SAFB2: variants seen among roughly 807,000 people sequenced by gnomAD.
SAFB2 encodes the protein scaffold attachment factor B2.
Under a neutral mutation model 100.6 loss-of-function variants are expected in SAFB2, and 32 were observed. The observed-to-expected ratio is 0.32, with a 90% CI of 0.24 to 0.43. The LOEUF (loss-of-function observed/expected upper bound fraction) is 0.43, where lower values mean the gene tolerates loss of function less well. SAFB2 is among the 20% of genes least tolerant of loss of function. SAFB2 has a pLI of 1.00. For synonymous variants in SAFB2, 500 were observed against 439.4 expected (o/e 1.14, Z -1.72); for missense variants, 1,185 against 1,163.4 (o/e 1.02, Z -0.27).
chr19:5,607,465 C>G (rs926330159), intron 9 of SAFB2, among the ~76,000 whole-genome samples: 1 of 152,158 alleles, frequency 6.6e-6, no homozygotes, highest in Admixed American at 6.6e-5. Flanking sequence ...CTGAAACCAA[C>G]AGAGCACCCC....
chr19:5,616,357 G>A (rs1472724876), intron 3 of SAFB2, 22 bp from the exon 4 acceptor site: 9 of 1,613,804 alleles, frequency 5.6e-6, no homozygotes, highest in East Asian at 2.2e-5. Flanking sequence ...AAGAAGAATC[G>A]TTAACGACCA....
rs537402771 is a variant in SAFB2 at position 5,614,511 on chromosome 19, G to C, written c.544-984C>G. 9.2e-5 allele frequency among the ~76,000 whole-genome samples: 14 copies of C among 152,318 alleles called. No homozygotes were observed. The East Asian group carries it at 2.1e-3, about 23-fold the overall frequency. ...ACACAGCAGTACCAGACTGAGAAAG[G>C]CGGCTAACCAGTTGCTCAGTGCTGC... is the stretch of plus-strand genomic sequence containing the variant. On this transcript the variant is annotated intron_variant, in intron 4 of 20. Transcript: ENST00000252542.
At chr19:5,606,045 A>G (rs1246580137) in intron 9 of SAFB2, among the ~76,000 whole-genome samples, 1 of 150,836 alleles carries the variant, frequency 6.6e-6, no homozygotes, top group Non-Finnish European at 1.5e-5. Flanking sequence ...GGGAACAATC[A>G]GGAGCAGAGG....
At chr19:5,621,755 T>A (rs1255383257) in intron 1 of SAFB2, among the ~76,000 whole-genome samples, 1 of 152,200 alleles carries the variant, frequency 6.6e-6, no homozygotes, top group East Asian at 1.9e-4. Flanking sequence ...GGTGAAGGGC[T>A]GGCCACCGCT....
intron 9 of SAFB2, among the ~76,000 whole-genome samples, chr19:5,605,856 C>T (rs924172063): frequency 7.9e-5 from 12 of 152,310 alleles, no homozygotes; most frequent in Admixed American, 2.0e-4. Context: ...ATGGGTAAGA[C>T]AGCACTGAGA....
At position 5,595,341 on chromosome 19, in the gene SAFB2, C is replaced by T; in HGVS notation, c.1919+20G>A. The T allele has an allele frequency of 6.2e-7, 1 of 1,604,774 alleles. No individual in the cohort carries two copies. Among genetic ancestry groups the T allele is most frequent in the Non-Finnish European group, 8.5e-7 (1 of 1,179,324 alleles). ...CCGAGAGGAAACCACCAGCCCACAGCCTCACCCAGCTCCACTCACCGCCGC... is the reference window on the plus strand; with the variant it reads ...CCGAGAGGAAACCACCAGCCCACAGTCTCACCCAGCTCCACTCACCGCCGC... On this transcript the variant is annotated intron_variant, in intron 14 of 20. Transcript: ENST00000252542.
intron 4 of SAFB2, among the ~76,000 whole-genome samples, chr19:5,615,773 T>G (rs1024372945): frequency 5.3e-5 from 8 of 152,096 alleles, no homozygotes; most frequent in African/African-American, 1.9e-4. Flanking sequence ...CACTGTGGCC[T>G]GTGCCAATAA....
At chr19:5,606,301 A>G (rs747866354) in intron 9 of SAFB2, among the ~76,000 whole-genome samples, 2 of 152,250 alleles carry the variant, frequency 1.3e-5, no homozygotes, top group African/African-American at 2.4e-5. Context: ...CTAGCACCCA[A>G]AAAATACAAT....
At chr19:5,592,100 C>A (rs918614688) in intron 16 of SAFB2, among the ~76,000 whole-genome samples, 1 of 152,126 alleles carries the variant, frequency 6.6e-6, no homozygotes, top group South Asian at 2.1e-4. Flanking sequence ...TGACCCAATG[C>A]GTGGGACTCA....
In SAFB2 at chr19:5,591,786, C is replaced by T. The variant is rs529098214; in HGVS notation, c.2356G>A (p.Gly786Ser). The change falls in exon 17 of 21, where the codon GGT becomes AGT. Residue 786 changes from glycine (G) to serine (S), a missense_variant. By Grantham distance (56) the Gly-to-Ser change is moderately conservative. Transcript: ENST00000252542. ...TGGTCTCCCATCATTGGCCTCGAAC[C>T]CTCCCGCCTGCAAAAGGAAAAGATC... ...YQDHAIDRRE[G>S]SRPMMGDHRD... 6.8e-5 allele frequency: 109 copies of T among 1,614,036 alleles called. No homozygotes were observed. The Middle Eastern group carries it at 2.5e-3, about 37-fold the overall frequency.
rs181275810 is a variant in SAFB2 at position 5,591,044 on chromosome 19, T to G, written c.2395-636A>C. On this transcript the variant is annotated intron_variant, in intron 17 of 20. Transcript: ENST00000252542. Reference sequence around the variant, plus strand: ...GCCCACCAAGCACGGACTTGAAACATGGGGAAGCCCGGGCTCCCCCATCCC... The same window carrying G: ...GCCCACCAAGCACGGACTTGAAACAGGGGGAAGCCCGGGCTCCCCCATCCC... Among the ~76,000 whole-genome samples, 5 of 152,082 alleles carry G rather than the reference T, an allele frequency of 3.3e-5. No individual in the cohort carries two copies. The East Asian group carries it at 9.7e-4, about 30-fold the overall frequency.
chr19:5,587,980 C>A lies in SAFB2; in HGVS notation c.2526G>T (p.Arg842Ser). ...TGTGCTCTCCCCAGTCACGGCCACCCCTTTGCCAAAAGAAAAAGACATGCA... is the reference window on the plus strand; with the variant it reads ...TGTGCTCTCCCCAGTCACGGCCACCACTTTGCCAAAAGAAAAAGACATGCA... ...SEGRGLPPPP[R>S]GGRDWGEHNQ... Residue 842 changes from arginine to serine, a missense_variant and splice_region_variant, in exon 19 of 21, where the codon AGG becomes AGT. This residue lies in a region of SAFB2 where 740 missense variants were observed against 687.1 expected (regional missense o/e 1.08). Transcript: ENST00000252542. This position sits in a 1 kb window ranked among gnomAD's most constrained non-coding sequence, Gnocchi z 4.9. 1 of 1,609,866 alleles carries A rather than the reference C, an allele frequency of 6.2e-7. No homozygotes were observed. The highest frequency in any genetic ancestry group is 8.5e-7 in the Non-Finnish European group (1 of 1,178,280).
intron 17 of SAFB2, 45 bp downstream of exon 17, chr19:5,591,703 C>A: frequency 6.3e-7 from 1 of 1,588,478 alleles, no homozygotes; most frequent in Non-Finnish European, 8.6e-7. Context: ...TATGCCTGCA[C>A]AGCAGTACAG....
At chr19:5,597,504 TC>T (rs1212146779) in intron 13 of SAFB2, among the ~76,000 whole-genome samples, 1 of 152,100 alleles carries the variant, frequency 6.6e-6, no homozygotes. Context: ...TGTAGAGACC[TC>T]CAAGGCATAT....
rs568463886 is a variant in SAFB2 at position 5,619,196 on chromosome 19, T to C, written c.274+2113A>G. Among the ~76,000 whole-genome samples, 170 of 152,278 alleles carry C rather than the reference T, an allele frequency of 1.1e-3. 1 individual carries two copies. The highest frequency in any genetic ancestry group is 2.5e-3 in the Admixed American group (38 of 15,292). On this transcript the variant is annotated intron_variant, in intron 2 of 20. Transcript: ENST00000252542. ...AAAGTCCTAAGGCTCTTGTGCTTTATCCATTAGCCACGTGCCCCGACACCT... is the reference window on the plus strand; with the variant it reads ...AAAGTCCTAAGGCTCTTGTGCTTTACCCATTAGCCACGTGCCCCGACACCT...
At position 5,590,296 on chromosome 19, in the gene SAFB2, C is replaced by A. The variant is rs778661190; in HGVS notation, c.2507G>T (p.Gly836Val). 1.9e-6 allele frequency: 3 copies of A among 1,602,704 alleles called. No homozygotes were observed. The Admixed American group carries it at 5.2e-5, about 28-fold the overall frequency. The change falls in exon 18 of 21, where the codon GGG (glycine) becomes GTG (valine). Residue 836 changes from glycine (G) to valine (V), a missense_variant. Physicochemically the swap from Gly to Val is moderately radical, Grantham distance 109. This residue lies in a region of SAFB2 where 740 missense variants were observed against 687.1 expected (regional missense o/e 1.08). Coordinates refer to ENST00000252542, the MANE Select transcript of SAFB2 (RefSeq NM_014649.3). ...GSDKRLSEGR[G>V]LPPPPRGGRD... ...CACTAACCTGGGGGGAGGGGGCAGC[C>A]CCCGGCCTTCACTCAGCCTCTTGTC...
At chr19:5,612,064 G>A (rs1441799222) in intron 6 of SAFB2, 2 of 339,842 alleles carry the variant, frequency 5.9e-6, no homozygotes, top group African/African-American at 2.1e-5. Flanking sequence ...CTGACGGTGG[G>A]AGATAAACGC....
intron 17 of SAFB2, among the ~76,000 whole-genome samples, chr19:5,591,054 CG>C (rs1292998418): frequency 6.6e-6 from 1 of 152,068 alleles, no homozygotes; most frequent in African/African-American, 2.4e-5. Flanking sequence ...TGGGGAAGCC[CG>C]GGCTCCCCCA....
intron 1 of SAFB2, among the ~76,000 whole-genome samples, 199 bp from the exon 2 acceptor site, chr19:5,621,595 A>G (rs2053149709): frequency 6.6e-6 from 1 of 152,212 alleles, no homozygotes; most frequent in Non-Finnish European, 1.5e-5. Context: ...CCAAATGACA[A>G]AGGAGAGGGA....
Sources: allele counts gnomAD v4.1 joint callset (sites outside exome capture counted in the v4.1 genomes callset), GRCh38; gene constraint gnomAD v4.1.1; regional missense constraint gnomAD v4.1.1; non-coding constraint Gnocchi (gnomAD v3.1); transcripts MANE v1.5; gene names NCBI Gene and HGNC (gene_info 2026-07-23, HGNC 2026-07-21).